Variants in NTPCR observed in about 807,000 individuals in gnomAD.
NTPCR encodes cancer-related nucleoside-triphosphatase.
Under a neutral mutation model 19.5 loss-of-function variants are expected in NTPCR, and 15 were observed. That is an observed-to-expected ratio of 0.77 (90% CI 0.51 to 1.18). NTPCR has a LOEUF of 1.18. Ranked by LOEUF, NTPCR falls within the 50% of genes most tolerant of loss-of-function variation. NTPCR has a pLI of 0.00. For synonymous variants in NTPCR, 90 were observed against 95.8 expected (o/e 0.94, Z 0.36); for missense variants, 206 against 240.4 (o/e 0.86, Z 0.95).
chr1:232,958,762 C>CA lies in NTPCR; in HGVS notation c.294+2319_294+2320insA, dbSNP rs1668585894. Among the ~76,000 whole-genome samples the CA allele has an allele frequency of 2.6e-5, 4 of 152,182 alleles. 1 individual carries two copies. Among genetic ancestry groups the CA allele is most frequent in the African/African-American group, 9.7e-5 (4 of 41,438 alleles). ...TTCCCGTCACATACATTCCTCTCTACTTAAATGTTCAAAAGTCAAGTGAAA... is the reference window on the plus strand; with the variant it reads ...TTCCCGTCACATACATTCCTCTCTACATTAAATGTTCAAAAGTCAAGTGAAA... On this transcript the variant is annotated intron_variant, in intron 3 of 4. Transcript: ENST00000366628.
At chr1:232,969,602 C>A (rs1668916480) in intron 3 of NTPCR, 1 of 283,444 alleles carries the variant, frequency 3.5e-6, no homozygotes, top group Admixed American at 4.4e-5. Flanking sequence ...TCCTTTAGAT[C>A]TCAGATTCTC....
intron 4 of NTPCR, among the ~76,000 whole-genome samples, chr1:232,970,817 A>G (rs1427757084): frequency 1.3e-5 from 2 of 152,276 alleles, no homozygotes; most frequent in Non-Finnish European, 2.9e-5. Context: ...TGTGGCTGCT[A>G]CATTCACTAG....
intron 3 of NTPCR, among the ~76,000 whole-genome samples, chr1:232,958,618 ACCT>A (rs1295432859): frequency 6.6e-5 from 10 of 151,200 alleles, no homozygotes; most frequent in Admixed American, 3.3e-4. Context: ...TCCTCCTCCC[ACCT>A]CCTTCTTCCC....
At chr1:232,966,581 G>A (rs1668821503) in intron 3 of NTPCR, 1 of 152,122 alleles carries the variant, frequency 6.6e-6, no homozygotes, top group African/African-American at 2.4e-5. Flanking sequence ...TGATATAACT[G>A]GTACGAAGAT....
intron 3 of NTPCR, among the ~76,000 whole-genome samples, chr1:232,961,134 T>C (rs55842909): frequency 0.22 from 32,770 of 152,178 alleles, 3,542 homozygotes; most frequent in African/African-American, 0.24. Context: ...TTCATCCTAT[T>C]TCATGGTATG....
At position 232,953,835 on chromosome 1, in the gene NTPCR, A is replaced by T. The variant is rs1164558190; in HGVS notation, c.35-1722A>T. On this transcript the variant is annotated intron_variant, in intron 1 of 4. Transcript: ENST00000366628. ...ATTGTGGTCTATTTTCCATGCTAAT[A>T]AATACATATAAGCAGTATATTTTTT... 3.9e-5 allele frequency among the ~76,000 whole-genome samples: 6 copies of T among 152,212 alleles called. No individual in the cohort carries two copies. In the South Asian group the frequency reaches 1.0e-3, roughly 26 times the overall value.
At chr1:232,956,995 G>C (rs1287137504) in intron 3 of NTPCR, among the ~76,000 whole-genome samples, 1 of 152,200 alleles carries the variant, frequency 6.6e-6, no homozygotes, top group Non-Finnish European at 1.5e-5. Context: ...TAAAAGTGGT[G>C]AGAGTAGACA....
At chr1:232,960,350 T>C (rs1668636878) in intron 3 of NTPCR, among the ~76,000 whole-genome samples, 1 of 125,228 alleles carries the variant, frequency 8.0e-6, no homozygotes, top group African/African-American at 3.8e-5. Context: ...TTTCTTTTCC[T>C]TTTTTTTTTT....
chr1:232,956,451 C>G lies in NTPCR; in HGVS notation c.294+8C>G. 6.3e-7 allele frequency: 1 copy of G among 1,589,670 alleles called. No homozygotes were observed. Among genetic ancestry groups the G allele is most frequent in the African/African-American group, 1.3e-5 (1 of 74,508 alleles). On this transcript the variant is annotated splice_region_variant and intron_variant, in intron 3 of 4. Transcript: ENST00000366628. Reference sequence around the variant, plus strand: ...CTACCCGTCTTGAGGAATGTGAGTACGTGATTTCTGCTTTTTGAACCCATC... The same window carrying G: ...CTACCCGTCTTGAGGAATGTGAGTAGGTGATTTCTGCTTTTTGAACCCATC...
intron 3 of NTPCR, among the ~76,000 whole-genome samples, chr1:232,957,027 T>C (rs1668529484): frequency 6.6e-6 from 1 of 152,204 alleles, no homozygotes; most frequent in Non-Finnish European, 1.5e-5. Context: ...TTCCTAATCT[T>C]AGAAAGAAAG....
chr1:232,970,980 C>T (rs1016830400), intron 4 of NTPCR, among the ~76,000 whole-genome samples: 1 of 152,188 alleles, frequency 6.6e-6, no homozygotes, highest in African/African-American at 2.4e-5. Context: ...TTTTAGGTCC[C>T]CCGCACTTTG....
At chr1:232,956,015 C>T (rs952120350) in intron 2 of NTPCR, among the ~76,000 whole-genome samples, 2 of 152,210 alleles carry the variant, frequency 1.3e-5, no homozygotes, top group Non-Finnish European at 2.9e-5. Flanking sequence ...AAAACTTGTT[C>T]ACCAAGTCAT....
chr1:232,974,119 T>C (rs560260079), intron 4 of NTPCR, among the ~76,000 whole-genome samples: 2 of 152,302 alleles, frequency 1.3e-5, no homozygotes, highest in Non-Finnish European at 2.9e-5. Flanking sequence ...GTCAAACTTA[T>C]GAAAATTAAA....
chr1:232,973,673 C>T (rs1192547306), intron 4 of NTPCR, among the ~76,000 whole-genome samples: 1 of 152,164 alleles, frequency 6.6e-6, no homozygotes, highest in African/African-American at 2.4e-5. Flanking sequence ...TACAGATACA[C>T]ATGAAACAAA....
intron 1 of NTPCR, 121 bp downstream of exon 1, chr1:232,950,865 A>G (rs1668346028): frequency 1.6e-6 from 1 of 633,990 alleles, no homozygotes. Context: ...TGAAGTTCCC[A>G]ATTTAAATGG....
At position 232,979,909 on chromosome 1, in the gene NTPCR, CGTG is replaced by C. The variant is rs1185801713; in HGVS notation, c.*1683_*1685del. On this transcript the variant is annotated 3_prime_UTR_variant, in exon 5 of 5. Transcript: ENST00000366628. The surrounding 1 kb of genome is among the most constrained non-coding windows in gnomAD (Gnocchi z 5.3). The stretch of plus-strand genomic sequence containing the variant: ...GAAATGTCATCAATGTGCACCCAGG[CGTG>C]GTGGAGCTGGTCAGCCCCAGCTGGA... 1 of 152,322 alleles carries C rather than the reference CGTG, an allele frequency of 6.6e-6. No individual in the cohort carries two copies. Among genetic ancestry groups the C allele is most frequent in the East Asian group, 1.9e-4 (1 of 5,194 alleles). 9.4% of individuals were successfully genotyped at this position (152,322 alleles called of 1,614,324 possible).
rs2102764354 is a variant in NTPCR, at chr1:232,979,597, C to A, written c.*1366C>A. ...ATTATGAACTAAGCCCTCAAAAGGGCTACCTGCCCAGGAGGAGGAAGTGGG... is the reference window on the plus strand; with the variant it reads ...ATTATGAACTAAGCCCTCAAAAGGGATACCTGCCCAGGAGGAGGAAGTGGG... On this transcript the variant is annotated 3_prime_UTR_variant, in exon 5 of 5. Coordinates refer to ENST00000366628, the MANE Select transcript of NTPCR (RefSeq NM_032324.3). This position sits in a 1 kb window ranked among gnomAD's most constrained non-coding sequence, Gnocchi z 5.3. The A allele has an allele frequency of 6.6e-6, 1 of 152,418 alleles. No homozygotes were observed. Among genetic ancestry groups the A allele is most frequent in the Middle Eastern group, 3.4e-3 (1 of 294 alleles). The allele number at this position is 152,418 out of a possible 1,614,324, so 9.4% of individuals were successfully genotyped here.
chr1:232,975,226 C>T (rs748573248), intron 4 of NTPCR, among the ~76,000 whole-genome samples: 1 of 152,232 alleles, frequency 6.6e-6, no homozygotes, highest in Non-Finnish European at 1.5e-5. Context: ...TGCTACCTCA[C>T]TGCCTTCTAA....
chr1:232,970,935 G>A (rs1359597753), intron 4 of NTPCR, among the ~76,000 whole-genome samples: 1 of 152,160 alleles, frequency 6.6e-6, no homozygotes. Flanking sequence ...CTGGGGGATG[G>A]CCCCATGATC....
Sources: allele counts gnomAD v4.1 joint callset (sites outside exome capture counted in the v4.1 genomes callset), GRCh38; gene constraint gnomAD v4.1.1; non-coding constraint Gnocchi (gnomAD v3.1); transcripts MANE v1.5; gene names NCBI Gene and HGNC (gene_info 2026-07-23, HGNC 2026-07-21).